Variants in GBF1 observed in about 807,000 individuals in gnomAD.
The protein encoded by GBF1 is golgi brefeldin A resistant guanine nucleotide exchange factor 1, also known as Golgi-specific brefeldin A-resistance guanine nucleotide exchange factor 1.
Under a neutral mutation model 210.5 loss-of-function variants are expected in GBF1, and 114 were observed. The observed-to-expected ratio is 0.54, with a 90% confidence interval of 0.47 to 0.63. The LOEUF (loss-of-function observed/expected upper bound fraction) is 0.63. GBF1 is among the 30% of genes least tolerant of loss of function. The pLI is 0.00. For missense variants in GBF1, 1,851 were observed against 2,357.7 expected (o/e 0.79, Z 4.45); for synonymous variants, 850 against 889.2 (o/e 0.96, Z 0.78).
chr10:102,287,472 G>A (rs994612990), intron 3 of GBF1, among the ~76,000 whole-genome samples: 4 of 148,502 alleles, frequency 2.7e-5, no homozygotes, highest in Middle Eastern at 3.2e-3. Context: ...ACAGGCATGA[G>A]CCACTGCACC....
intron 1 of GBF1, among the ~76,000 whole-genome samples, chr10:102,255,818 T>C (rs2072271916): frequency 6.6e-6 from 1 of 152,232 alleles, no homozygotes; most frequent in Admixed American, 6.5e-5. Context: ...AAGAGAACGT[T>C]GTTGTGTTCC....
intron 1 of GBF1, among the ~76,000 whole-genome samples, chr10:102,258,150 ATTTT>A (rs60505807): frequency 2.1e-4 from 20 of 96,924 alleles, no homozygotes; most frequent in Non-Finnish European, 1.4e-4. Context: ...AGTATTACAG[ATTTT>A]TTTTTTTTTT....
At chr10:102,295,705 T>A (rs1213186304) in intron 3 of GBF1, among the ~76,000 whole-genome samples, 1 of 152,144 alleles carries the variant, frequency 6.6e-6, no homozygotes, top group African/African-American at 2.4e-5. Context: ...TTTTGAAAAT[T>A]TTCATAAGCT....
chr10:102,285,272 C>T (rs1360789847), intron 3 of GBF1, among the ~76,000 whole-genome samples: 2 of 152,168 alleles, frequency 1.3e-5, no homozygotes, highest in African/African-American at 4.8e-5. Context: ...GAATCCTGGA[C>T]CAGGCAATAG....
rs2071058667 is a variant in GBF1, at chr10:102,248,069, C to T, written c.-11+2288C>T. On this transcript the variant is annotated intron_variant, in intron 1 of 39. Transcript: ENST00000369983. ...TTGAGGAGACTCTATTTATAGAGTA[C>T]TCACTGCAAGGATCACCCTAATCTT... 2.0e-5 allele frequency among the ~76,000 whole-genome samples: 3 copies of T among 152,184 alleles called. No individual in the cohort carries two copies. In the South Asian group the frequency reaches 6.2e-4, roughly 31 times the overall value.
rs1044810761 is a variant in GBF1, at chr10:102,375,399, G to C, written c.3701G>C (p.Ser1234Thr). The change falls in exon 30 of 40, where the codon AGT (serine) becomes ACT (threonine). Residue 1234 changes from serine to threonine, a missense_variant. Physicochemically the swap from Ser to Thr is moderately conservative, Grantham distance 58. Around this residue, in one of 3 missense-constraint regions of GBF1, gnomAD observed 967 missense variants for 1,247.7 expected, o/e 0.78. Transcript: ENST00000369983. ...SLRILLLMKP[S>T]VLSRVSHQVA... The stretch of plus-strand genomic sequence containing the variant: ...CGCATTTTGCTACTGATGAAGCCCA[G>C]TGTGCTATCCCGAGTCAGCCACCAG... The C allele has an allele frequency of 1.9e-6, 3 of 1,613,866 alleles. No individual in the cohort carries two copies. Among genetic ancestry groups the C allele is most frequent in the Non-Finnish European group, 2.5e-6 (3 of 1,179,806 alleles).
At chr10:102,370,576 C>A in intron 28 of GBF1, 98 bp downstream of exon 28, 1 of 1,295,378 alleles carries the variant, frequency 7.7e-7, no homozygotes, top group Admixed American at 1.7e-5. Flanking sequence ...CTGTAGGCAG[C>A]AGGGGAGAAG....
chr10:102,267,569 A>G (rs772637512), intron 3 of GBF1, among the ~76,000 whole-genome samples: 1 of 152,194 alleles, frequency 6.6e-6, no homozygotes, highest in Admixed American at 6.5e-5. Flanking sequence ...CTGGAGTCCT[A>G]TTGATTAAGT....
At position 102,326,202 on chromosome 10, in the gene GBF1, T is replaced by C. The variant is rs1215269972; in HGVS notation, c.164-17849T>C. 2.0e-5 allele frequency among the ~76,000 whole-genome samples: 3 copies of C among 152,354 alleles called. No individual in the cohort carries two copies. In the East Asian group the frequency reaches 5.8e-4, roughly 29 times the overall value. The stretch of plus-strand genomic sequence containing the variant: ...GCCTAGTATGCAAGTTTACGCCAAG[T>C]ATGTAAACTTGCTTCTAAATTGGAA... On this transcript the variant is annotated intron_variant, in intron 3 of 39. Coordinates refer to ENST00000369983, the MANE Select transcript of GBF1 (RefSeq NM_001377137.1).
chr10:102,359,371 T>G lies in GBF1; in HGVS notation c.1116T>G (p.Ser372=). The stretch of plus-strand genomic sequence containing the variant: ...CTGCCGACCACTCTGACTCTGCCTC[T>G]GTCCATGACATGGATTACGTCAATC... ...TSPADHSDSA[S]VHDMDYVNPR... Residue 372 remains serine, a synonymous_variant, in exon 11 of 40, where the codon TCT becomes TCG. Transcript: ENST00000369983. The G allele has an allele frequency of 6.2e-7, 1 of 1,613,632 alleles. No individual in the cohort carries two copies. Among genetic ancestry groups the G allele is most frequent in the Non-Finnish European group, 8.5e-7 (1 of 1,179,502 alleles).
intron 3 of GBF1, among the ~76,000 whole-genome samples, chr10:102,269,141 TCTGTTACCA>T (rs377281788): frequency 9.8e-5 from 15 of 152,336 alleles, no homozygotes; most frequent in Admixed American, 5.2e-4. Flanking sequence ...ACATCAGCAT[TCTGTTACCA>T]CTGTTACCAC....
chr10:102,302,207 T>A (rs1054988492), intron 3 of GBF1, among the ~76,000 whole-genome samples: 21 of 152,110 alleles, frequency 1.4e-4, no homozygotes, highest in Non-Finnish European at 2.9e-4. Flanking sequence ...TGAGCCGAGA[T>A]GGCGGGAGTA....
the GBF1 span, among the ~76,000 whole-genome samples, chr10:102,235,833 A>G: frequency 6.6e-6 from 1 of 152,206 alleles, no homozygotes; most frequent in Non-Finnish European, 1.5e-5. Flanking sequence ...GAGATAGGCA[A>G]CACATGCTGT....
At chr10:102,258,788 A>G in intron 1 of GBF1, 141 bp from the exon 2 acceptor site, 1 of 518,176 alleles carries the variant, frequency 1.9e-6, no homozygotes, top group Non-Finnish European at 3.5e-6. Flanking sequence ...AAAAAAAAAA[A>G]AAAAAAGAAA....
intron 32 of GBF1, 35 bp downstream of exon 32, chr10:102,376,835 G>A: frequency 6.2e-7 from 1 of 1,609,522 alleles, no homozygotes. Flanking sequence ...CTGGGGAGTA[G>A]CCATGCAATT....
intron 3 of GBF1, among the ~76,000 whole-genome samples, chr10:102,325,026 A>T (rs1331608804): frequency 6.6e-6 from 1 of 152,202 alleles, no homozygotes; most frequent in African/African-American, 2.4e-5. Context: ...TGCACTCTAC[A>T]TATGATTATT....
chr10:102,358,753 C>G, intron 10 of GBF1, 24 bp downstream of exon 10: 1 of 1,431,060 alleles, frequency 7.0e-7, no homozygotes, highest in Non-Finnish European at 9.9e-7. Context: ...TTTTAATGTC[C>G]CTCTTCAGTA....
intron 1 of GBF1, among the ~76,000 whole-genome samples, chr10:102,255,177 A>T (rs1226845503): frequency 6.6e-6 from 1 of 151,948 alleles, no homozygotes; most frequent in Admixed American, 6.6e-5. Flanking sequence ...AGCAGCTGGG[A>T]TTACAGGTGT....
At chr10:102,335,501 G>C (rs1301099044) in intron 3 of GBF1, among the ~76,000 whole-genome samples, 2 of 152,186 alleles carry the variant, frequency 1.3e-5, no homozygotes, top group African/African-American at 4.8e-5. Flanking sequence ...CCAGACAATT[G>C]AATCTCAGTT....
Sources: allele counts gnomAD v4.1 joint callset (sites outside exome capture counted in the v4.1 genomes callset), GRCh38; gene constraint gnomAD v4.1.1; regional missense constraint gnomAD v4.1.1; transcripts MANE v1.5; gene names NCBI Gene and HGNC (gene_info 2026-07-23, HGNC 2026-07-21).